The following PLEKHA6 variants were observed in gnomAD, a reference collection of about 807,000 sequenced individuals.
The protein encoded by PLEKHA6 is pleckstrin homology domain containing A6.
In PLEKHA6, 60 loss-of-function variants were observed where a neutral mutation model predicts 116.7. The observed-to-expected ratio is 0.51, with a 90% confidence interval of 0.42 to 0.64. The LOEUF is 0.64. PLEKHA6 is among the 30% of genes least tolerant of loss of function. The pLI, the probability that PLEKHA6 is intolerant of heterozygous loss-of-function variation, is 0.00. For missense variants in PLEKHA6, 1,338 were observed against 1,422.7 expected (o/e 0.94, Z 0.96); for synonymous variants, 489 against 556.1 (o/e 0.88, Z 1.70).
intron 1 of PLEKHA6, among the ~76,000 whole-genome samples, chr1:204,288,981 T>C (rs1669476440): frequency 6.6e-6 from 1 of 152,170 alleles, no homozygotes; most frequent in African/African-American, 2.4e-5. Context: ...ATAAATTCCC[T>C]CTTTATCCTT....
chr1:204,279,370 C>G (rs1320559457), intron 1 of PLEKHA6, among the ~76,000 whole-genome samples: 3 of 152,214 alleles, frequency 2.0e-5, no homozygotes, highest in Admixed American at 6.5e-5. Flanking sequence ...AGCAGCAGTT[C>G]TTTCCCTTTG....
At chr1:204,376,108 C>A (rs903007470) in intron 1 of PLEKHA6, among the ~76,000 whole-genome samples, 9 of 152,280 alleles carry the variant, frequency 5.9e-5, no homozygotes, top group Admixed American at 5.9e-4. Flanking sequence ...AAACCTATAT[C>A]TTATTGTTTT....
At position 204,346,862 on chromosome 1, in the gene PLEKHA6, C is replaced by T. The variant is rs1362713871; in HGVS notation, c.-95+12832G>A. ...ACAAAGTGTGCTTCTCTGGGTGGAGCAGGCTGGCGCTTTAGTTGAATCCAG... is the reference window on the plus strand; with the variant it reads ...ACAAAGTGTGCTTCTCTGGGTGGAGTAGGCTGGCGCTTTAGTTGAATCCAG... On this transcript the variant is annotated intron_variant, in intron 1 of 22. Transcript: ENST00000272203. 7 of 1,339,130 alleles carry T rather than the reference C, an allele frequency of 5.2e-6. No homozygotes were observed. In the East Asian group the frequency reaches 1.4e-4, roughly 26 times the overall value. 83.0% of individuals were successfully genotyped at this position (1,339,130 alleles called of 1,614,324 possible).
chr1:204,245,281 G>A (rs1553250418), intron 14 of PLEKHA6, among the ~76,000 whole-genome samples: 1 of 152,080 alleles, frequency 6.6e-6, no homozygotes, highest in Non-Finnish European at 1.5e-5. Flanking sequence ...AGGTCCCAGG[G>A]CTCAAGGAAA....
At chr1:204,363,799 C>T (rs371947453), upstream of PLEKHA6, among the ~76,000 whole-genome samples, 283 of 152,176 alleles carry the variant, frequency 1.9e-3, 8 homozygotes, top group South Asian at 0.053. Context: ...TGTGAGCAAA[C>T]CCCCTGAAAG....
At chr1:204,279,523 G>C (rs927536116) in intron 1 of PLEKHA6, among the ~76,000 whole-genome samples, 12 of 152,178 alleles carry the variant, frequency 7.9e-5, no homozygotes, top group African/African-American at 2.9e-4. Flanking sequence ...ATGTCAAAAG[G>C]CTTCCATTTG....
chr1:204,279,220 C>T (rs950543556), intron 1 of PLEKHA6, among the ~76,000 whole-genome samples: 17 of 152,278 alleles, frequency 1.1e-4, no homozygotes, highest in Middle Eastern at 3.4e-3. Flanking sequence ...ACAGCCTTTG[C>T]TTAAGCTGCA....
In PLEKHA6 at chr1:204,257,953, C is replaced by G. The variant is rs113939679; in HGVS notation, c.1008-84G>C. ...CCAGCCCCACCTCCAGGTCCCCCAG[C>G]CTAGAGCAGGGTGCTTGAATAGGTA... is the stretch of plus-strand genomic sequence containing the variant. On this transcript the variant is annotated intron_variant, in intron 8 of 22. Coordinates refer to ENST00000272203, the MANE Select transcript of PLEKHA6 (RefSeq NM_014935.5). The surrounding 1 kb of genome is among the most constrained non-coding windows in gnomAD (Gnocchi z 6.5). 1.4e-5 allele frequency: 18 copies of G among 1,310,986 alleles called. No homozygotes were observed. The highest frequency in any genetic ancestry group is 1.0e-4 in the African/African-American group (7 of 68,406). The allele number at this position is 1,310,986 out of a possible 1,614,324, so 81.2% of individuals were successfully genotyped here.
chr1:204,289,791 C>T (rs1669565101), intron 1 of PLEKHA6, among the ~76,000 whole-genome samples: 5 of 152,176 alleles, frequency 3.3e-5, no homozygotes. Context: ...CATGCAAATG[C>T]CCTGCCCCTT....
chr1:204,300,857 A>G (rs1245227536), intron 1 of PLEKHA6, among the ~76,000 whole-genome samples: 1 of 152,222 alleles, frequency 6.6e-6, no homozygotes, highest in Non-Finnish European at 1.5e-5. Context: ...ACAAGACTAT[A>G]TGAGGCAATA....
In PLEKHA6 at chr1:204,285,758, T is replaced by C. The variant is rs1669100156; in HGVS notation, c.-94-10949A>G. Among the ~76,000 whole-genome samples the C allele has an allele frequency of 3.3e-5, 5 of 152,236 alleles. No homozygotes were observed. The South Asian group carries it at 1.0e-3, about 31-fold the overall frequency. The stretch of plus-strand genomic sequence containing the variant: ...TTGAAAGTATCATTACTAACAGCAC[T>C]GGCCTGGTAGGAAACACTGGAAAAG... On this transcript the variant is annotated intron_variant, in intron 1 of 22. Coordinates refer to ENST00000272203, the MANE Select transcript of PLEKHA6 (RefSeq NM_014935.5).
chr1:204,250,406 T>G, intron 10 of PLEKHA6, 140 bp downstream of exon 10: 1 of 670,356 alleles, frequency 1.5e-6, no homozygotes, highest in Non-Finnish European at 2.7e-6. Flanking sequence ...ATCAAAGGTA[T>G]GAAAAGCCAC....
At chr1:204,338,084 A>C (rs72752028) in intron 1 of PLEKHA6, among the ~76,000 whole-genome samples, 259 of 152,354 alleles carry the variant, frequency 1.7e-3, no homozygotes, top group Non-Finnish European at 3.2e-3. Flanking sequence ...AGCCTACAGA[A>C]GGGAATGTGT....
chr1:204,341,462 GC>G (rs1672843856), intron 1 of PLEKHA6, among the ~76,000 whole-genome samples: 2 of 152,174 alleles, frequency 1.3e-5, no homozygotes, highest in Non-Finnish European at 2.9e-5. Flanking sequence ...GTAATACCTT[GC>G]CAAAGGTCAG....
chr1:204,371,017 G>GCAC (rs1378524884), intron 2 of PLEKHA6, among the ~76,000 whole-genome samples: 1 of 140,902 alleles, frequency 7.1e-6, no homozygotes, highest in East Asian at 2.1e-4. Context: ...TTGTGCCACT[G>GCAC]CACTCCAGCC....
chr1:204,252,665 G>C (rs984325133), intron 9 of PLEKHA6, among the ~76,000 whole-genome samples: 3 of 152,176 alleles, frequency 2.0e-5, no homozygotes, highest in Non-Finnish European at 2.9e-5. Context: ...AATCTCAGTT[G>C]CACCCACACT....
rs77648545 is a variant in PLEKHA6 at position 204,299,020 on chromosome 1, T to C, written c.-94-24211A>G. The stretch of plus-strand genomic sequence containing the variant: ...ATATCTGTGGCATTCAGCTTCTTGC[T>C]TCTAGTCCATTCTTGTGATCCAGCC... On this transcript the variant is annotated intron_variant, in intron 1 of 22. Transcript: ENST00000272203. 7.8e-3 allele frequency among the ~76,000 whole-genome samples: 1,186 copies of C among 152,310 alleles called. 13 individuals are homozygous for C. The highest frequency in any genetic ancestry group is 0.026 in the African/African-American group (1,071 of 41,560).
chr1:204,241,476 C>A lies in PLEKHA6; in HGVS notation c.2308G>T (p.Val770Phe). The A allele has an allele frequency of 6.3e-7, 1 of 1,598,050 alleles. No individual in the cohort carries two copies. The highest frequency in any genetic ancestry group is 8.5e-7 in the Non-Finnish European group (1 of 1,171,770). ...EKQAALNKVG[V>F]VPPRTKSPTD... ...GGCGATTTTGTCCGAGGGGGCACAA[C>A]GCCAACTGCAGAAAGACAGAGTAGC... The change falls in exon 17 of 23, where the codon GTT becomes TTT. Residue 770 changes from valine to phenylalanine, a missense_variant. Physicochemically the swap from Val to Phe is conservative, Grantham distance 50. This residue lies in a region of PLEKHA6 where 1,136 missense variants were observed against 1,163.6 expected (regional missense o/e 0.98). Coordinates refer to ENST00000272203, the MANE Select transcript of PLEKHA6 (RefSeq NM_014935.5).
intron 1 of PLEKHA6, chr1:204,307,969 C>T (rs1671458456): frequency 4.8e-6 from 4 of 833,412 alleles, no homozygotes; most frequent in Non-Finnish European, 5.8e-6. Context: ...GGAATATTCT[C>T]CTAAGGATCC....
Sources: gnomAD v4.1 joint callset for allele counts (sites outside exome capture counted in the v4.1 genomes callset) on GRCh38, gnomAD v4.1.1 for gene constraint, gnomAD v4.1.1 regional missense constraint, Gnocchi (gnomAD v3.1) non-coding constraint, MANE v1.5 for transcripts, NCBI Gene and HGNC (gene_info 2026-07-23, HGNC 2026-07-21) for gene names.